Variants in CD99L2 observed in about 807,000 individuals in gnomAD.
CD99L2 encodes CD99 antigen-like protein 2.
In CD99L2, 24 loss-of-function variants were observed where a neutral mutation model predicts 27.3. The ratio of observed to expected loss-of-function variants is 0.88; its 90% confidence interval spans 0.64 to 1.24. The LOEUF (loss-of-function observed/expected upper bound fraction) is 1.24, where lower values mean the gene tolerates loss of function less well. CD99L2 is among the 50% of genes most tolerant of loss of function. The pLI, the probability that CD99L2 is intolerant of heterozygous loss-of-function variation, is 0.00. For synonymous variants in CD99L2, 97 were observed against 87.9 expected, an observed-to-expected ratio of 1.10 and a Z score of -0.58; for missense variants, 255 against 221.6, an observed-to-expected ratio of 1.15 and a Z score of -0.96.
intron 1 of CD99L2, among the ~76,000 whole-genome samples, chrX:150,889,414 CTGAAAGA>C (rs1219818094): frequency 9.0e-6 from 1 of 110,697 alleles, no homozygotes; most frequent in Non-Finnish European, 1.9e-5. Flanking sequence ...TGCCCTTAGG[CTGAAAGA>C]AATACCCAAT....
chrX:150,871,550 G>A (rs2047157163), intron 1 of CD99L2, among the ~76,000 whole-genome samples: 1 of 111,853 alleles, frequency 8.9e-6, no homozygotes, highest in African/African-American at 3.3e-5. Flanking sequence ...GTAGAAAATG[G>A]TACAACCACT....
At chrX:150,879,750 T>TTAAAA (rs1557422434) in intron 1 of CD99L2, among the ~76,000 whole-genome samples, 33 of 19,381 alleles carry the variant, frequency 1.7e-3, no homozygotes, top group African/African-American at 4.9e-3. Flanking sequence ...CTACAAAAAC[T>TTAAAA]AAAAAAAAAA....
rs782359308 is a variant in CD99L2, at chrX:150,842,045, T to C, written c.68-10752A>G. On this transcript the variant is annotated intron_variant, in intron 1 of 10. Coordinates refer to ENST00000370377, the MANE Select transcript of CD99L2 (RefSeq NM_031462.4). ...GCATTAGAAAACAGCTGATTCACCA[T>C]AGGCTCAATTCACAACCCGCAGTCC... 3.6e-5 allele frequency among the ~76,000 whole-genome samples: 4 copies of C among 111,771 alleles called. No individual in the cohort carries two copies. In the South Asian group the frequency reaches 1.1e-3, roughly 32 times the overall value.
At chrX:150,836,027 G>A (rs1166887121) in intron 1 of CD99L2, among the ~76,000 whole-genome samples, 1 of 111,334 alleles carries the variant, frequency 9.0e-6, no homozygotes, top group Non-Finnish European at 1.9e-5. Context: ...AAAGCTCTGG[G>A]GAAAAGTTTT....
intron 1 of CD99L2, among the ~76,000 whole-genome samples, chrX:150,843,200 C>A (rs182500936): frequency 8.9e-6 from 1 of 112,072 alleles, no homozygotes; most frequent in African/African-American, 3.2e-5. Flanking sequence ...TGGCCAGTTA[C>A]ATTTATTTCC....
chrX:150,843,331 A>G (rs2046650476), intron 1 of CD99L2, among the ~76,000 whole-genome samples: 1 of 112,032 alleles, frequency 8.9e-6, no homozygotes, highest in Non-Finnish European at 1.9e-5. Context: ...CCTAAACTGC[A>G]TCGGTTTTTA....
chrX:150,873,492 C>T (rs1307980536), intron 1 of CD99L2, among the ~76,000 whole-genome samples: 2 of 112,029 alleles, frequency 1.8e-5, no homozygotes, highest in South Asian at 3.7e-4. Context: ...TGGTGAGAGA[C>T]GCACAGCCTT....
rs559060969 is a variant in CD99L2 at position 150,891,952 on chromosome X, T to G, written c.67+6570A>C. ...GTGAGCCAGGCGTGGTGGCTCACTT[T>G]GGGAGCTGGGTAATCCCAGCACTTT... On this transcript the variant is annotated intron_variant, in intron 1 of 10. Coordinates refer to ENST00000370377, the MANE Select transcript of CD99L2 (RefSeq NM_031462.4). Among the ~76,000 whole-genome samples the G allele has an allele frequency of 1.3e-4, 14 of 111,654 alleles. No individual in the cohort carries two copies. The South Asian group carries it at 3.4e-3, about 27-fold the overall frequency.
At chrX:150,814,957 T>TA in intron 3 of CD99L2, 21 bp from the exon 4 acceptor site, 1 of 1,208,910 alleles carries the variant, frequency 8.3e-7, no homozygotes, top group Non-Finnish European at 1.1e-6. Context: ...CCCCAAAACA[T>TA]AAAGGAAACA....
chrX:150,820,866 A>G (rs184032571), intron 2 of CD99L2, among the ~76,000 whole-genome samples: 116 of 112,038 alleles, frequency 1.0e-3, no homozygotes, highest in Admixed American at 2.8e-3. Flanking sequence ...CTGTATTTCT[A>G]TACACTAGCA....
chrX:150,793,915 G>C (rs1569565921), intron 6 of CD99L2, among the ~76,000 whole-genome samples, 159 bp from the exon 7 acceptor site: 1 of 111,199 alleles, frequency 9.0e-6, no homozygotes, highest in Non-Finnish European at 1.9e-5. Flanking sequence ...CCTCCCACTG[G>C]TGTACATGTC....
chrX:150,790,034 TATGAAAAAAC>T (rs1340883299), intron 7 of CD99L2, among the ~76,000 whole-genome samples: 8 of 111,807 alleles, frequency 7.2e-5, no homozygotes, highest in Non-Finnish European at 1.5e-4. Flanking sequence ...ACTACCAAGC[TATGAAAAAAC>T]ATGAAAAAAC....
At chrX:150,829,608 G>A (rs782754809) in intron 2 of CD99L2, 2 of 290,621 alleles carry the variant, frequency 6.9e-6, no homozygotes, top group South Asian at 6.4e-5. Flanking sequence ...AAGGCAGCTG[G>A]AAAAAACCAA....
chrX:150,816,418 G>A (rs1215631937), intron 2 of CD99L2: 1 of 239,656 alleles, frequency 4.2e-6, no homozygotes, highest in Non-Finnish European at 7.4e-6. Flanking sequence ...TGATCCTTGA[G>A]GGCTCCAAGC....
chrX:150,778,681 A>ATAT (rs1557419360), intron 7 of CD99L2, among the ~76,000 whole-genome samples: 22 of 24,121 alleles, frequency 9.1e-4, no homozygotes, highest in African/African-American at 2.0e-3. Flanking sequence ...AATAAAAAAA[A>ATAT]AAAAATATAT....
intron 1 of CD99L2, among the ~76,000 whole-genome samples, chrX:150,879,245 C>T (rs2047282505): frequency 9.1e-6 from 1 of 110,468 alleles, no homozygotes; most frequent in Non-Finnish European, 1.9e-5. Flanking sequence ...GGAGTGGAGA[C>T]CTAAAGGAGA....
intron 2 of CD99L2, among the ~76,000 whole-genome samples, chrX:150,825,104 C>T (rs923838392): frequency 5.4e-5 from 6 of 111,578 alleles, no homozygotes; most frequent in Admixed American, 9.6e-5. Context: ...TGACTTTGTA[C>T]CAGTAAAATG....
At chrX:150,789,164 C>T (rs1348173913) in intron 7 of CD99L2, among the ~76,000 whole-genome samples, 1 of 103,710 alleles carries the variant, frequency 9.6e-6, no homozygotes, top group Non-Finnish European at 2.0e-5. Context: ...GCTCTGTCAC[C>T]CAGGCTGGAG....
At chrX:150,826,711 A>G (rs1404386369) in intron 2 of CD99L2, among the ~76,000 whole-genome samples, 2 of 112,060 alleles carry the variant, frequency 1.8e-5, no homozygotes, top group Non-Finnish European at 3.8e-5. Flanking sequence ...TGAATATACT[A>G]GTAAGATCCT....
Sources: gnomAD v4.1 joint callset for allele counts (sites outside exome capture counted in the v4.1 genomes callset) on GRCh38, gnomAD v4.1.1 for gene constraint, MANE v1.5 for transcripts, NCBI Gene and HGNC (gene_info 2026-07-23, HGNC 2026-07-21) for gene names.